Variants in LUZP2 observed in about 807,000 individuals in gnomAD.
LUZP2 encodes leucine zipper protein 2.
Under a neutral mutation model 51.6 loss-of-function variants are expected in LUZP2, and 52 were observed. The ratio of observed to expected loss-of-function variants is 1.01; its 90% CI spans 0.81 to 1.27. LUZP2 has a LOEUF of 1.27. LUZP2 is among the 50% of genes most tolerant of loss of function. The probability of loss-of-function intolerance (pLI) is 0.00; values close to 1 mark genes in which losing one functional copy is unlikely to be tolerated. For synonymous variants in LUZP2, 154 were observed against 137.3 expected, an observed-to-expected ratio of 1.12 and a Z score of -0.85; for missense variants, 436 against 395.4, an observed-to-expected ratio of 1.10 and a Z score of -0.87.
chr11:24,613,276 T>C (rs1253538477), intron 1 of LUZP2, among the ~76,000 whole-genome samples: 1 of 152,110 alleles, frequency 6.6e-6, no homozygotes, highest in Admixed American at 6.6e-5. Flanking sequence ...TGTTAAAACA[T>C]AAACAGATTG....
At chr11:24,826,409 C>T (rs946401388) in intron 5 of LUZP2, among the ~76,000 whole-genome samples, 1 of 151,538 alleles carries the variant, frequency 6.6e-6, no homozygotes, top group African/African-American at 2.4e-5. Flanking sequence ...TTACACTACT[C>T]CTATTTTATC....
chr11:24,633,124 A>G (rs1274382393), intron 1 of LUZP2, among the ~76,000 whole-genome samples: 1 of 151,958 alleles, frequency 6.6e-6, no homozygotes, highest in Non-Finnish European at 1.5e-5. Context: ...CATGATGACC[A>G]TATGTAAAAT....
At chr11:25,059,484 T>C (rs1858774382) in intron 10 of LUZP2, among the ~76,000 whole-genome samples, 1 of 152,194 alleles carries the variant, frequency 6.6e-6, no homozygotes, top group African/African-American at 2.4e-5. Context: ...AATATACTAC[T>C]TTATTTCCAT....
intron 5 of LUZP2, among the ~76,000 whole-genome samples, chr11:24,764,489 C>CAAAAAAAAAAAAAAAAAAAAAA (rs1565124723): frequency 8.9e-5 from 5 of 56,420 alleles, no homozygotes; most frequent in Non-Finnish European, 1.4e-4. Context: ...AATCTCATCT[C>CAAAAAAAAAAAAAAAAAAAAAA]TAAAAAAAAA....
chr11:24,798,739 G>C (rs1849614142), intron 5 of LUZP2, among the ~76,000 whole-genome samples: 1 of 152,052 alleles, frequency 6.6e-6, no homozygotes, highest in African/African-American at 2.4e-5. Context: ...ATTAAGAGAG[G>C]AGAAGGGATT....
chr11:24,952,332 C>G (rs1394765301), intron 7 of LUZP2, among the ~76,000 whole-genome samples: 1 of 151,456 alleles, frequency 6.6e-6, no homozygotes, highest in Non-Finnish European at 1.5e-5. Flanking sequence ...TTTGCAGGCA[C>G]CTATATAATT....
intron 1 of LUZP2, among the ~76,000 whole-genome samples, chr11:24,594,657 G>T (rs564907387): frequency 6.7e-6 from 1 of 150,360 alleles, no homozygotes; most frequent in Non-Finnish European, 1.5e-5. Context: ...ATTATATCAT[G>T]TGTTAATGTC....
intron 5 of LUZP2, among the ~76,000 whole-genome samples, chr11:24,862,585 A>T (rs1026631361): frequency 2.6e-5 from 4 of 152,208 alleles, no homozygotes; most frequent in African/African-American, 9.6e-5. Flanking sequence ...AAAGACACAG[A>T]CTGGCAAACT....
At chr11:24,892,498 C>A in intron 5 of LUZP2, 2 of 663,820 alleles carry the variant, frequency 3.0e-6, no homozygotes, top group Non-Finnish European at 3.7e-6. Flanking sequence ...TATTTCTCTT[C>A]AATAAAGCGT....
intron 1 of LUZP2, among the ~76,000 whole-genome samples, chr11:24,625,690 A>G (rs1280221642): frequency 6.6e-6 from 1 of 152,030 alleles, no homozygotes; most frequent in Non-Finnish European, 1.5e-5. Context: ...CGTTTGAAAA[A>G]TGACTGTATT....
At chr11:24,703,310 C>A (rs1207281555) in intron 1 of LUZP2, among the ~76,000 whole-genome samples, 1 of 152,018 alleles carries the variant, frequency 6.6e-6, no homozygotes, top group Admixed American at 6.6e-5. Context: ...AAAGTCTGTG[C>A]ATATATTATG....
chr11:24,619,419 C>T (rs1854417661), intron 1 of LUZP2, among the ~76,000 whole-genome samples: 1 of 152,102 alleles, frequency 6.6e-6, no homozygotes, highest in South Asian at 2.1e-4. Context: ...AGAAAGGAGA[C>T]CAGAATTTTC....
At chr11:25,016,823 T>C (rs1857174190) in intron 9 of LUZP2, among the ~76,000 whole-genome samples, 1 of 152,182 alleles carries the variant, frequency 6.6e-6, no homozygotes, top group Non-Finnish European at 1.5e-5. Flanking sequence ...ATGGTAGATC[T>C]ACTTTTAGTT....
chr11:24,794,074 A>G (rs911713795), intron 5 of LUZP2, among the ~76,000 whole-genome samples: 29 of 152,090 alleles, frequency 1.9e-4, no homozygotes, highest in African/African-American at 7.0e-4. Context: ...TAATGCCTTT[A>G]AAATGTAAAA....
intron 1 of LUZP2, among the ~76,000 whole-genome samples, chr11:24,707,936 T>C (rs1403394216): frequency 2.0e-5 from 3 of 152,170 alleles, no homozygotes; most frequent in African/African-American, 4.8e-5. Flanking sequence ...ACGTGGCCCC[T>C]GCTGCAGTGT....
At chr11:24,988,283 T>G (rs1371589487) in intron 9 of LUZP2, among the ~76,000 whole-genome samples, 1 of 151,996 alleles carries the variant, frequency 6.6e-6, no homozygotes, top group African/African-American at 2.4e-5. Flanking sequence ...CTTTTCAACC[T>G]CCTTTTAATA....
rs183154732 is a variant in LUZP2, at chr11:24,566,236, T to C, written c.62+68931T>C. ...GTAACTGTATTAAAAAATTAAAGAA[T>C]AGTATGATGACCATAATTCATTAAC... On this transcript the variant is annotated intron_variant, in intron 1 of 11. Transcript: ENST00000336930. Among the ~76,000 whole-genome samples the C allele has an allele frequency of 5.1e-3, 780 of 151,464 alleles. 8 individuals are homozygous for C. The highest frequency in any genetic ancestry group is 0.018 in the African/African-American group (746 of 41,452).
intron 9 of LUZP2, among the ~76,000 whole-genome samples, chr11:25,005,124 C>G (rs928836933): frequency 6.6e-6 from 1 of 152,120 alleles, no homozygotes; most frequent in Admixed American, 6.6e-5. Context: ...TTCCCCACCC[C>G]CTACAGCTTG....
chr11:24,896,151 T>A (rs1197761589), intron 5 of LUZP2, among the ~76,000 whole-genome samples: 1 of 152,258 alleles, frequency 6.6e-6, no homozygotes. Context: ...CTGGCTGGCC[T>A]TCGGTTCCTC....
Sources: gnomAD v4.1 joint callset for allele counts (sites outside exome capture counted in the v4.1 genomes callset) on GRCh38, gnomAD v4.1.1 for gene constraint, MANE v1.5 for transcripts, NCBI Gene and HGNC (gene_info 2026-07-23, HGNC 2026-07-21) for gene names.